PRDM16: variants seen among roughly 807,000 people sequenced by gnomAD.
PRDM16 encodes PR/SET domain 16.
In PRDM16, 23 loss-of-function variants were observed where a neutral mutation model predicts 110.6. That is an observed-to-expected ratio of 0.21 (90% CI 0.15 to 0.29). The LOEUF (loss-of-function observed/expected upper bound fraction) is 0.29. Among genes scored for constraint, PRDM16 ranks in the 10% least tolerant of loss-of-function variants. PRDM16 has a pLI of 1.00. For missense variants in PRDM16, 1,615 were observed against 1,794.3 expected (o/e 0.90, Z 1.81); for synonymous variants, 799 against 781.8 (o/e 1.02, Z -0.37).
chr1:3,405,379 C>G (rs374836387), intron 7 of PRDM16, 116 bp from the exon 8 acceptor site: 293 of 1,222,580 alleles, frequency 2.4e-4, no homozygotes, highest in Non-Finnish European at 3.2e-4. Context: ...CAGACTGCAA[C>G]GTGGCAAGAG....
chr1:3,387,514 A>G (rs1643220346), intron 4 of PRDM16, among the ~76,000 whole-genome samples: 1 of 152,134 alleles, frequency 6.6e-6, no homozygotes, highest in African/African-American at 2.4e-5. Context: ...CGACAGGGAG[A>G]GGAGCCCTCT....
At chr1:3,383,986 C>T (rs1191923568) in intron 3 of PRDM16, among the ~76,000 whole-genome samples, 1 of 151,752 alleles carries the variant, frequency 6.6e-6, no homozygotes, top group Non-Finnish European at 1.5e-5. Flanking sequence ...CCCAAGGACA[C>T]ACCTGTCCAG....
chr1:3,267,956 G>A (rs898164961), intron 3 of PRDM16, among the ~76,000 whole-genome samples: 8 of 152,204 alleles, frequency 5.3e-5, no homozygotes, highest in South Asian at 2.1e-4. Flanking sequence ...TTTTGGCTTT[G>A]TTGTGACAGG....
At chr1:3,408,665 A>AGT (rs199646395) in intron 8 of PRDM16, among the ~76,000 whole-genome samples, 2 of 128,950 alleles carry the variant, frequency 1.6e-5, no homozygotes, top group Non-Finnish European at 3.2e-5. Context: ...CATGTGTGAG[A>AGT]GTGTGTGAGT....
chr1:3,211,818 C>CATGCGT (rs1361471124), intron 2 of PRDM16, among the ~76,000 whole-genome samples: 11 of 152,360 alleles, frequency 7.2e-5, no homozygotes, highest in South Asian at 6.2e-4. Context: ...TGCACGTGTG[C>CATGCGT]ATGCGTGTGC....
In PRDM16 at chr1:3,436,421, A is replaced by G. The variant is rs987578094; in HGVS notation, c.*2610A>G. 4 of 230,382 alleles carry G rather than the reference A, an allele frequency of 1.7e-5. No individual in the cohort carries two copies. The highest frequency in any genetic ancestry group is 3.6e-4 in the South Asian group (2 of 5,480). 14.3% of individuals were successfully genotyped at this position (230,382 alleles called of 1,614,324 possible). A position where few individuals can be genotyped will look rare whatever the true frequency, so the allele number is the denominator to read the frequency against. On this transcript the variant is annotated 3_prime_UTR_variant, in exon 17 of 17. Coordinates refer to ENST00000270722, the MANE Select transcript of PRDM16 (RefSeq NM_022114.4). ...CACCTTTCCCAAGAGTCCTGGTTGCACGTTTTAAGTCATATATTTTCGTCC... is the reference window on the plus strand; with the variant it reads ...CACCTTTCCCAAGAGTCCTGGTTGCGCGTTTTAAGTCATATATTTTCGTCC...
chr1:3,333,001 T>C (rs893230429), intron 3 of PRDM16, among the ~76,000 whole-genome samples: 5 of 152,212 alleles, frequency 3.3e-5, no homozygotes, highest in African/African-American at 1.2e-4. Context: ...TGGACATGAG[T>C]TCTTTCCACC....
rs116031948 is a variant in PRDM16, at chr1:3,316,053, G to A, written c.439-69099G>A. 4.7e-3 allele frequency among the ~76,000 whole-genome samples: 704 copies of A among 150,390 alleles called. 7 individuals are homozygous for A. Among genetic ancestry groups the A allele is most frequent in the African/African-American group, 0.016 (663 of 41,170 alleles). ...TGGACAGGGGCTGGGCCTTTCTCCC[G>A]GAGTAAATGGGCTCAGGCCACACAG... On this transcript the variant is annotated intron_variant, in intron 3 of 16. Coordinates refer to ENST00000270722, the MANE Select transcript of PRDM16 (RefSeq NM_022114.4).
chr1:3,353,439 C>T lies in PRDM16; in HGVS notation c.439-31713C>T, dbSNP rs187395828. Reference sequence around the variant, plus strand: ...TGGGGACACCATCCTGCAGCCTCTGCGTTTGTCCTTGGGGTCATTGAGGAA... The same window carrying T: ...TGGGGACACCATCCTGCAGCCTCTGTGTTTGTCCTTGGGGTCATTGAGGAA... On this transcript the variant is annotated intron_variant, in intron 3 of 16. Coordinates refer to ENST00000270722, the MANE Select transcript of PRDM16 (RefSeq NM_022114.4). The surrounding 1 kb of genome is among the most constrained non-coding windows in gnomAD (Gnocchi z 5.4). 3.3e-5 allele frequency among the ~76,000 whole-genome samples: 5 copies of T among 152,290 alleles called. 1 individual carries two copies. In the East Asian group the frequency reaches 7.7e-4, roughly 24 times the overall value.
rs1023595702 is a variant in PRDM16, at chr1:3,370,049, G to T, written c.439-15103G>T. ...TGGGCTCGGAGAGACTGAGTCAGCTGCAGGGAAGGCACTAAATATAACTGG... is the reference window on the plus strand; with the variant it reads ...TGGGCTCGGAGAGACTGAGTCAGCTTCAGGGAAGGCACTAAATATAACTGG... On this transcript the variant is annotated intron_variant, in intron 3 of 16. Transcript: ENST00000270722. The surrounding 1 kb of genome is among the most constrained non-coding windows in gnomAD (Gnocchi z 4.8). Among the ~76,000 whole-genome samples, 3 of 152,154 alleles carry T rather than the reference G, an allele frequency of 2.0e-5. No individual in the cohort carries two copies. The highest frequency in any genetic ancestry group is 4.4e-5 in the Non-Finnish European group (3 of 68,034).
intron 3 of PRDM16, among the ~76,000 whole-genome samples, chr1:3,325,037 A>T (rs1158029736): frequency 6.6e-6 from 1 of 152,096 alleles, no homozygotes. Context: ...GTGGCCTCTG[A>T]ACTCCGCCAA....
intron 2 of PRDM16, among the ~76,000 whole-genome samples, chr1:3,194,120 G>T (rs1638392768): frequency 6.6e-6 from 1 of 152,242 alleles, no homozygotes; most frequent in African/African-American, 2.4e-5. Context: ...AGACCGCCGG[G>T]CAAGGGACAG....
At chr1:3,174,943 T>C (rs2100766605) in intron 1 of PRDM16, among the ~76,000 whole-genome samples, 1 of 152,240 alleles carries the variant, frequency 6.6e-6, no homozygotes, top group East Asian at 1.9e-4. Context: ...CAATCTGCTG[T>C]GTTAATAGCG....
chr1:3,212,779 G>A (rs56175284), intron 2 of PRDM16, among the ~76,000 whole-genome samples: 17,594 of 151,680 alleles, frequency 0.12, 1,562 homozygotes, highest in African/African-American at 0.24. Flanking sequence ...CATTTCCGCC[G>A]CTACCTCGGC....
chr1:3,234,457 A>T (rs896429688), intron 2 of PRDM16, among the ~76,000 whole-genome samples: 1 of 152,208 alleles, frequency 6.6e-6, no homozygotes, highest in East Asian at 1.9e-4. Context: ...GACAGGCGGG[A>T]GCCGGACCCT....
intron 1 of PRDM16, among the ~76,000 whole-genome samples, chr1:3,073,130 T>G (rs1641808117): frequency 6.6e-6 from 1 of 152,168 alleles, no homozygotes; most frequent in Non-Finnish European, 1.5e-5. Flanking sequence ...GGCTCCCAAG[T>G]CCTCCTGTAG....
chr1:3,278,833 C>T (rs372563015), intron 3 of PRDM16, among the ~76,000 whole-genome samples: 5 of 152,234 alleles, frequency 3.3e-5, no homozygotes, highest in South Asian at 2.1e-4. Flanking sequence ...GACGGGGCAG[C>T]GGAACAAAGC....
chr1:3,414,173 C>T (rs998302028), intron 9 of PRDM16, among the ~76,000 whole-genome samples: 8 of 152,200 alleles, frequency 5.3e-5, no homozygotes, highest in Non-Finnish European at 1.0e-4. Flanking sequence ...CCAGTTAGGC[C>T]GGGGTGCACG....
At chr1:3,302,683 A>T (rs940684064) in intron 3 of PRDM16, among the ~76,000 whole-genome samples, 1 of 152,232 alleles carries the variant, frequency 6.6e-6, no homozygotes, top group African/African-American at 2.4e-5. Context: ...AACTGCAGAC[A>T]ACACTTTAGC....
Sources: gnomAD v4.1 joint callset for allele counts (sites outside exome capture counted in the v4.1 genomes callset) on GRCh38, gnomAD v4.1.1 for gene constraint, Gnocchi (gnomAD v3.1) non-coding constraint, MANE v1.5 for transcripts, NCBI Gene and HGNC (gene_info 2026-07-23, HGNC 2026-07-21) for gene names.